Variants in FRMPD1 observed in about 807,000 individuals in gnomAD.
FRMPD1 encodes the protein FERM and PDZ domain containing 1.
In FRMPD1, 76 loss-of-function variants were observed where a neutral mutation model predicts 117.8. The observed-to-expected ratio is 0.65, with a 90% CI of 0.54 to 0.78. The LOEUF is 0.78. Among genes scored for constraint, FRMPD1 ranks in the 30% least tolerant of loss-of-function variants. FRMPD1 has a pLI of 0.00. For missense variants in FRMPD1, 1,786 were observed against 1,964.5 expected, an observed-to-expected ratio of 0.91 and a Z score of 1.72; for synonymous variants, 783 against 770.4, an observed-to-expected ratio of 1.02 and a Z score of -0.27.
In FRMPD1 at chr9:37,737,253, T is replaced by C; in HGVS notation, c.1549+10T>C. 4 of 1,613,830 alleles carry C rather than the reference T, an allele frequency of 2.5e-6. No individual in the cohort carries two copies. Among genetic ancestry groups the C allele is most frequent in the Non-Finnish European group, 3.4e-6 (4 of 1,179,800 alleles). On this transcript the variant is annotated intron_variant, in intron 14 of 15. Transcript: ENST00000377765. Reference sequence around the variant, plus strand: ...GTATCTGCAGAAGAAGGTGAGGCACTGAGTCTTGCCCCAATAAGGACAGGC... The same window carrying C: ...GTATCTGCAGAAGAAGGTGAGGCACCGAGTCTTGCCCCAATAAGGACAGGC...
chr9:37,656,378 G>T (rs1820845435), intron 1 of FRMPD1, among the ~76,000 whole-genome samples: 2 of 152,146 alleles, frequency 1.3e-5, no homozygotes, highest in African/African-American at 4.8e-5. Context: ...TAGCTTTTCA[G>T]TGTGCCTATT....
intron 6 of FRMPD1, among the ~76,000 whole-genome samples, chr9:37,720,049 G>A (rs937279575): frequency 6.6e-6 from 1 of 152,072 alleles, no homozygotes; most frequent in Non-Finnish European, 1.5e-5. Flanking sequence ...CACAGGGGGT[G>A]GGGGCTAAGG....
At chr9:37,644,333 C>T in the FRMPD1 span, among the ~76,000 whole-genome samples, 4,761 of 152,270 alleles carry the variant, frequency 0.031, 238 homozygotes, top group African/African-American at 0.11. Flanking sequence ...GACTCACTAG[C>T]GAGGCTGACT....
At chr9:37,622,207 C>A in the FRMPD1 span, among the ~76,000 whole-genome samples, 1 of 152,200 alleles carries the variant, frequency 6.6e-6, no homozygotes, top group Admixed American at 6.5e-5. Context: ...GCTCTGGGCA[C>A]ATGGGTGGTG....
the FRMPD1 span, among the ~76,000 whole-genome samples, chr9:37,627,980 G>GA: frequency 6.6e-6 from 1 of 152,188 alleles, no homozygotes; most frequent in African/African-American, 2.4e-5. Context: ...TGTATTAGGT[G>GA]CTCAGGAATA....
intron 6 of FRMPD1, among the ~76,000 whole-genome samples, chr9:37,720,210 A>T (rs1294806709): frequency 2.6e-5 from 4 of 152,244 alleles, no homozygotes; most frequent in African/African-American, 9.6e-5. Flanking sequence ...GGCCTAATGC[A>T]TGACTTAGAA....
intron 7 of FRMPD1, among the ~76,000 whole-genome samples, chr9:37,729,004 G>A (rs1304159096): frequency 6.6e-6 from 1 of 151,532 alleles, no homozygotes; most frequent in Non-Finnish European, 1.5e-5. Flanking sequence ...CATAGTGAGT[G>A]GGTGGTGGGA....
chr9:37,610,686 C>A, the FRMPD1 span, among the ~76,000 whole-genome samples: 4 of 151,926 alleles, frequency 2.6e-5, no homozygotes, highest in Admixed American at 1.3e-4. Flanking sequence ...CCTCCGCCTC[C>A]TGGGTTCAAG....
At chr9:37,640,651 G>A in the FRMPD1 span, among the ~76,000 whole-genome samples, 1 of 150,458 alleles carries the variant, frequency 6.6e-6, no homozygotes, top group African/African-American at 2.4e-5. Context: ...AAGACAGGAA[G>A]GCTGTGAAGT....
At chr9:37,638,483 A>T in the FRMPD1 span, among the ~76,000 whole-genome samples, 1 of 152,142 alleles carries the variant, frequency 6.6e-6, no homozygotes, top group South Asian at 2.1e-4. Context: ...GTCTGATTAT[A>T]AAACTCTGCC....
At chr9:37,737,006 A>G (rs1824164682) in intron 13 of FRMPD1, 90 bp from the exon 14 acceptor site, 1 of 963,158 alleles carries the variant, frequency 1.0e-6, no homozygotes, top group Admixed American at 2.1e-5. Context: ...TTTACCTGGA[A>G]TCTCTCGTTG....
chr9:37,715,598 C>CAG (rs1823083801), intron 5 of FRMPD1: 1 of 454,606 alleles, frequency 2.2e-6, no homozygotes, highest in Admixed American at 2.4e-5. Flanking sequence ...ATTTAGAATC[C>CAG]AGAGAGAGCT....
intron 1 of FRMPD1, among the ~76,000 whole-genome samples, chr9:37,682,818 AAGG>A (rs1388339572): frequency 1.3e-5 from 2 of 152,242 alleles, no homozygotes; most frequent in African/African-American, 4.8e-5. Flanking sequence ...CTGTCAAGGA[AAGG>A]AGGACAGAAG....
At chr9:37,705,449 C>A (rs1451709175) in intron 2 of FRMPD1, among the ~76,000 whole-genome samples, 1 of 152,080 alleles carries the variant, frequency 6.6e-6, no homozygotes, top group Non-Finnish European at 1.5e-5. Context: ...GTGTACACCA[C>A]CAAGTCCTGC....
At chr9:37,738,030 C>T (rs746687220) in intron 14 of FRMPD1, among the ~76,000 whole-genome samples, 1 of 152,140 alleles carries the variant, frequency 6.6e-6, no homozygotes, top group Non-Finnish European at 1.5e-5. Flanking sequence ...TTTGCCTCAG[C>T]ACCATTGATG....
chr9:37,723,593 C>T (rs1180425848), intron 6 of FRMPD1, among the ~76,000 whole-genome samples: 2 of 152,190 alleles, frequency 1.3e-5, no homozygotes, highest in African/African-American at 2.4e-5. Flanking sequence ...CATGGTGGCT[C>T]ACGCCTATAA....
At chr9:37,683,672 GAA>G (rs1821810717) in intron 1 of FRMPD1, among the ~76,000 whole-genome samples, 1 of 151,734 alleles carries the variant, frequency 6.6e-6, no homozygotes, top group Admixed American at 6.6e-5. Context: ...CGAGGGAGAT[GAA>G]GTTGGCGGGT....
At chr9:37,742,145 T>A (rs952585058) in intron 15 of FRMPD1, among the ~76,000 whole-genome samples, 1 of 151,302 alleles carries the variant, frequency 6.6e-6, no homozygotes, top group Admixed American at 6.6e-5. Context: ...GTTAAATGAA[T>A]GAATGAAGTC....
At chr9:37,678,108 A>G (rs1821591920) in intron 1 of FRMPD1, among the ~76,000 whole-genome samples, 1 of 152,210 alleles carries the variant, frequency 6.6e-6, no homozygotes, top group African/African-American at 2.4e-5. Context: ...GACTCAGAGA[A>G]TTGGAAAGAA....
Sources: allele counts gnomAD v4.1 joint callset (sites outside exome capture counted in the v4.1 genomes callset), GRCh38; gene constraint gnomAD v4.1.1; transcripts MANE v1.5; gene names NCBI Gene and HGNC (gene_info 2026-07-23, HGNC 2026-07-21).